Variants in SDK2 observed in about 807,000 individuals in gnomAD.
The protein encoded by SDK2 is sidekick cell adhesion molecule 2.
In SDK2, 105 loss-of-function variants were observed where a neutral mutation model predicts 253.9. That is an observed-to-expected ratio of 0.41 (90% CI 0.35 to 0.49). The LOEUF (loss-of-function observed/expected upper bound fraction) is 0.49, where lower values mean the gene tolerates loss of function less well. SDK2 is among the 20% of genes least tolerant of loss of function. The probability of loss-of-function intolerance (pLI) is 0.06; values close to 1 mark genes in which losing one functional copy is unlikely to be tolerated. For synonymous variants in SDK2, 1,249 were observed against 1,234.9 expected (o/e 1.01, Z -0.24); for missense variants, 2,608 against 3,003.0 (o/e 0.87, Z 3.07).
At chr17:73,497,051 C>T (rs2063847085) in intron 2 of SDK2, among the ~76,000 whole-genome samples, 1 of 152,184 alleles carries the variant, frequency 6.6e-6, no homozygotes, top group Non-Finnish European at 1.5e-5. Flanking sequence ...CACGAGCCAC[C>T]ACACCTGGCT....
In SDK2 at chr17:73,632,985, T is replaced by C. The variant is rs557475709; in HGVS notation, c.64+11040A>G. 2.0e-5 allele frequency among the ~76,000 whole-genome samples: 3 copies of C among 152,268 alleles called. No individual in the cohort carries two copies. The South Asian group carries it at 6.2e-4, about 32-fold the overall frequency. ...GGAGTAGAATGCACATATTCACACATTTTAAAACTAAAATAGGCTGGGTGT... is the reference window on the plus strand; with the variant it reads ...GGAGTAGAATGCACATATTCACACACTTTAAAACTAAAATAGGCTGGGTGT... On this transcript the variant is annotated intron_variant, in intron 1 of 44. Transcript: ENST00000392650.
intron 12 of SDK2, among the ~76,000 whole-genome samples, chr17:73,426,716 C>G (rs2063286807): frequency 6.6e-6 from 1 of 152,194 alleles, no homozygotes; most frequent in African/African-American, 2.4e-5. Context: ...TTAGAAAGGA[C>G]TTGCCAGCAC....
chr17:73,626,560 G>C (rs1052076283), intron 1 of SDK2, among the ~76,000 whole-genome samples: 7 of 152,192 alleles, frequency 4.6e-5, no homozygotes, highest in African/African-American at 1.7e-4. Context: ...CCTCCCTCCA[G>C]CTCCCCATCC....
chr17:73,390,244 C>G, intron 29 of SDK2, 43 bp downstream of exon 29: 2 of 1,487,030 alleles, frequency 1.3e-6, no homozygotes, highest in Non-Finnish European at 1.8e-6. Flanking sequence ...CTGGCCCCCC[C>G]TCAGCTGCCC....
intron 37 of SDK2, 127 bp downstream of exon 37, chr17:73,368,280 C>T (rs2270725): frequency 2.0e-5 from 17 of 861,620 alleles, no homozygotes; most frequent in African/African-American, 1.2e-4. Context: ...CTGGGTACCA[C>T]GACCAGATCC....
Position 73,609,984 on chromosome 17 carries a change from T to C in SDK2, c.64+34041A>G, listed in dbSNP as rs1004955504. ...GCCAGGCAGCTGCACGGGAAACAGG[T>C]GTCCTGCTGAACAAGATGGAAGCAG... On this transcript the variant is annotated intron_variant, in intron 1 of 44. Transcript: ENST00000392650. This position sits in a 1 kb window ranked among gnomAD's most constrained non-coding sequence, Gnocchi z 4.4. Among the ~76,000 whole-genome samples, 1 of 152,144 alleles carries C rather than the reference T, an allele frequency of 6.6e-6. No homozygotes were observed. The highest frequency in any genetic ancestry group is 2.4e-5 in the African/African-American group (1 of 41,432).
At chr17:73,564,199 C>A (rs1433537610) in intron 1 of SDK2, among the ~76,000 whole-genome samples, 1 of 152,208 alleles carries the variant, frequency 6.6e-6, no homozygotes, top group African/African-American at 2.4e-5. Flanking sequence ...CCACATATAG[C>A]TATTTAAGTT....
chr17:73,356,140 C>A (rs1274500163), intron 40 of SDK2, among the ~76,000 whole-genome samples: 1 of 152,248 alleles, frequency 6.6e-6, no homozygotes, highest in African/African-American at 2.4e-5. Flanking sequence ...GCTGGTGTTA[C>A]TGCCTGGGGC....
rs1233423424 is a variant in SDK2 at position 73,431,322 on chromosome 17, C to T, written c.1480+180G>A. On this transcript the variant is annotated intron_variant, in intron 11 of 44. Coordinates refer to ENST00000392650, the MANE Select transcript of SDK2 (RefSeq NM_001144952.2). The surrounding 1 kb of genome is among the most constrained non-coding windows in gnomAD (Gnocchi z 5.6). ...CCGGCAGAATCTTCCTAGTCCCTGG[C>T]CTCTGAACCACTTTGTCACTGTCCC... 2.0e-5 allele frequency among the ~76,000 whole-genome samples: 3 copies of T among 152,180 alleles called. No individual in the cohort carries two copies. The highest frequency in any genetic ancestry group is 4.4e-5 in the Non-Finnish European group (3 of 68,030).
At chr17:73,384,403 C>T (rs2062855918) in intron 32 of SDK2, among the ~76,000 whole-genome samples, 1 of 152,146 alleles carries the variant, frequency 6.6e-6, no homozygotes, top group Non-Finnish European at 1.5e-5. Flanking sequence ...CCTCCCCAGG[C>T]CTGCTGGTCC....
chr17:73,503,208 G>A (rs1263766492), intron 2 of SDK2, among the ~76,000 whole-genome samples: 2 of 152,340 alleles, frequency 1.3e-5, no homozygotes, highest in South Asian at 2.1e-4. Context: ...CGGCGTTGAA[G>A]AAGAACAACA....
chr17:73,376,356 C>T (rs777215145), intron 36 of SDK2, among the ~76,000 whole-genome samples: 14 of 133,598 alleles, frequency 1.0e-4, no homozygotes, highest in African/African-American at 2.5e-4. Flanking sequence ...TCAATAAACA[C>T]GTGTCATTGA....
At chr17:73,540,647 T>G (rs1162629749) in intron 1 of SDK2, among the ~76,000 whole-genome samples, 1 of 152,228 alleles carries the variant, frequency 6.6e-6, no homozygotes, top group African/African-American at 2.4e-5. Flanking sequence ...TGGTGCTATG[T>G]CACTTGCTTT....
intron 16 of SDK2, 116 bp from the exon 17 acceptor site, chr17:73,416,108 C>G: frequency 2.1e-6 from 2 of 941,610 alleles, no homozygotes; most frequent in Non-Finnish European, 3.2e-6. Flanking sequence ...CGGAAGTGCT[C>G]TGCACCTGTG....
At chr17:73,626,474 AAGG>A (rs1490174762) in intron 1 of SDK2, among the ~76,000 whole-genome samples, 1 of 152,244 alleles carries the variant, frequency 6.6e-6, no homozygotes, top group East Asian at 1.9e-4. Flanking sequence ...GGGTTGGCCA[AAGG>A]AGAAGGAAAA....
intron 12 of SDK2, among the ~76,000 whole-genome samples, chr17:73,427,823 C>G (rs1429974935): frequency 6.6e-6 from 1 of 152,068 alleles, no homozygotes; most frequent in Non-Finnish European, 1.5e-5. Flanking sequence ...ACCCAAGGCA[C>G]AATCCATGAA....
chr17:73,551,744 C>T (rs1430011136), intron 1 of SDK2, among the ~76,000 whole-genome samples: 5 of 152,142 alleles, frequency 3.3e-5, no homozygotes, highest in East Asian at 1.9e-4. Context: ...TGCTTACACA[C>T]GCAGAGCTTC....
At chr17:73,587,771 T>G (rs1316960847) in intron 1 of SDK2, among the ~76,000 whole-genome samples, 1 of 152,252 alleles carries the variant, frequency 6.6e-6, no homozygotes, top group Non-Finnish European at 1.5e-5. Flanking sequence ...GCTCATTACA[T>G]TTCCCTGAAC....
intron 2 of SDK2, among the ~76,000 whole-genome samples, chr17:73,505,486 C>G (rs1442767182): frequency 1.3e-5 from 2 of 152,192 alleles, no homozygotes; most frequent in East Asian, 3.9e-4. Flanking sequence ...TTGTCATCAT[C>G]ATCATCATCA....
Sources: allele counts gnomAD v4.1 joint callset (sites outside exome capture counted in the v4.1 genomes callset), GRCh38; gene constraint gnomAD v4.1.1; non-coding constraint Gnocchi (gnomAD v3.1); transcripts MANE v1.5; gene names NCBI Gene and HGNC (gene_info 2026-07-23, HGNC 2026-07-21).